Variants in FAH observed in about 807,000 individuals in gnomAD.
The protein encoded by FAH is fumarylacetoacetate hydrolase, also known as fumarylacetoacetase.
Under a neutral mutation model 55.8 loss-of-function variants are expected in FAH, and 47 were observed. The ratio of observed to expected loss-of-function variants is 0.84; its 90% CI spans 0.67 to 1.07. The LOEUF (loss-of-function observed/expected upper bound fraction) is 1.07. Ranked by LOEUF, FAH falls within the 50% of genes least tolerant of loss-of-function variation. FAH has a pLI of 0.00. For missense variants in FAH, 495 were observed against 545.9 expected, an observed-to-expected ratio of 0.91 and a Z score of 0.93; for synonymous variants, 199 against 207.7, an observed-to-expected ratio of 0.96 and a Z score of 0.36.
At chr15:80,178,391 T>C (rs553491178) in intron 11 of FAH, among the ~76,000 whole-genome samples, 1 of 152,246 alleles carries the variant, frequency 6.6e-6, no homozygotes, top group South Asian at 2.1e-4. Context: ...TGACCTCTGC[T>C]ACCATGTATT....
chr15:80,158,049 C>T lies in FAH; in HGVS notation c.82-11C>T, dbSNP rs1249878337. 6.2e-7 allele frequency: 1 copy of T among 1,608,220 alleles called. No individual in the cohort carries two copies. The highest frequency in any genetic ancestry group is 8.5e-7 in the Non-Finnish European group (1 of 1,174,716). On this transcript the variant is annotated splice_polypyrimidine_tract_variant and intron_variant, in intron 1 of 13. Transcript: ENST00000561421. ...CTTTTTCTGGTGCTGACGGTGTCGT[C>T]TTCCTCCTAGCCAAGACCGAGGATA...
chr15:80,170,855 G>A (rs2041234733), intron 7 of FAH, among the ~76,000 whole-genome samples: 1 of 152,156 alleles, frequency 6.6e-6, no homozygotes, highest in African/African-American at 2.4e-5. Context: ...TCATGGCTGA[G>A]TCTATGTTTT....
intron 1 of FAH, 37 bp from the exon 2 acceptor site, chr15:80,158,023 G>T (rs778873440): frequency 1.3e-6 from 2 of 1,512,720 alleles, no homozygotes; most frequent in South Asian, 2.2e-5. Context: ...CCAGCCAGGG[G>T]CTTTTTCTGG....
Position 80,158,088 on chromosome 15 carries a change from G to A in FAH, c.110G>A (p.Gly37Asp), listed in dbSNP as rs767839292. Residue 37 changes from glycine to aspartate, a missense_variant, in exon 2 of 14, where the codon GGC (glycine) becomes GAC (aspartate). By Grantham distance (94) the Gly-to-Asp change is moderately conservative. Transcript: ENST00000561421. ...AGACCGAGGATAGGTGTGGCCATTGGCGACCAGATCCTGGACCTCAGCATC... is the reference window on the plus strand; with the variant it reads ...AGACCGAGGATAGGTGTGGCCATTGACGACCAGATCCTGGACCTCAGCATC... ...DPRPRIGVAI[G>D]DQILDLSIIK... is the part of the protein sequence containing the mutation. The A allele has an allele frequency of 1.2e-6, 2 of 1,614,106 alleles. No individual in the cohort carries two copies. Among genetic ancestry groups the A allele is most frequent in the Non-Finnish European group, 1.7e-6 (2 of 1,180,004 alleles).
intron 1 of FAH, chr15:80,156,454 A>G (rs2041101759): frequency 6.6e-6 from 1 of 152,282 alleles, no homozygotes; most frequent in Non-Finnish European, 1.5e-5. Flanking sequence ...CACCTGGGTA[A>G]TCCTTCGCCC....
intron 2 of FAH, among the ~76,000 whole-genome samples, chr15:80,158,539 A>G (rs546912216): frequency 1.3e-3 from 194 of 152,322 alleles, no homozygotes; most frequent in African/African-American, 4.6e-3. Context: ...GGAGGGAGCT[A>G]CGAGCCCAGC....
At chr15:80,176,316 A>G (rs2041283837) in intron 10 of FAH, among the ~76,000 whole-genome samples, 1 of 152,186 alleles carries the variant, frequency 6.6e-6, no homozygotes, top group African/African-American at 2.4e-5. Flanking sequence ...ATGCCCGGCC[A>G]GCTCCATTTC....
intron 1 of FAH, 137 bp from the exon 2 acceptor site, chr15:80,157,923 G>A: frequency 1.4e-6 from 1 of 720,582 alleles, no homozygotes; most frequent in Non-Finnish European, 2.6e-6. Flanking sequence ...CTGAGAACAT[G>A]GTTCTTCAGT....
At chr15:80,173,618 T>C (rs771862191) in intron 9 of FAH, 2 of 283,986 alleles carry the variant, frequency 7.0e-6, no homozygotes, top group Non-Finnish European at 1.4e-5. Flanking sequence ...CCTTGACCCC[T>C]GGTTCCAGTC....
chr15:80,156,263 C>G (rs1461688332), intron 1 of FAH: 2 of 171,630 alleles, frequency 1.2e-5, no homozygotes, highest in African/African-American at 2.4e-5. Flanking sequence ...GTACCTGACC[C>G]TATACCCACC....
At chr15:80,181,616 G>T (rs1222206666) in intron 13 of FAH, among the ~76,000 whole-genome samples, 1 of 152,080 alleles carries the variant, frequency 6.6e-6, no homozygotes, top group East Asian at 1.9e-4. Context: ...GAGGGAAAGG[G>T]CACCATAATG....
intron 2 of FAH, among the ~76,000 whole-genome samples, chr15:80,159,511 G>A (rs1005970149): frequency 5.4e-4 from 82 of 152,330 alleles, no homozygotes; most frequent in African/African-American, 1.9e-3. Flanking sequence ...GCTGTGCCAG[G>A]TAGCAACTCC....
intron 13 of FAH, 108 bp from the exon 14 acceptor site, chr15:80,186,022 C>A: frequency 1.2e-6 from 1 of 850,666 alleles, no homozygotes. Flanking sequence ...CTGATGGCAC[C>A]TTCCTGCCTC....
In FAH at chr15:80,186,344, G is replaced by A; in HGVS notation, c.*135G>A. The A allele has an allele frequency of 5.4e-6, 4 of 741,754 alleles. No homozygotes were observed. Among genetic ancestry groups the A allele is most frequent in the Non-Finnish European group, 2.4e-6 (1 of 411,876 alleles). The allele number at this position is 741,754 out of a possible 1,614,324, so 45.9% of individuals were successfully genotyped here. A position where few individuals can be genotyped will look rare whatever the true frequency, so the allele number is the denominator to read the frequency against. On this transcript the variant is annotated 3_prime_UTR_variant, in exon 14 of 14. Coordinates refer to ENST00000561421, the MANE Select transcript of FAH (RefSeq NM_000137.4). ...GCCATTGTGCTCTGAGGCCTGCACT[G>A]CCGCAGATGCAGCTGTGTCCACTTA...
chr15:80,162,573 T>G (rs1279511460), intron 5 of FAH: 1 of 576,444 alleles, frequency 1.7e-6, no homozygotes, highest in African/African-American at 1.9e-5. Context: ...CAGCAGGGGT[T>G]GGAATTAGAT....
chr15:80,168,797 G>A (rs1472088927), intron 7 of FAH, among the ~76,000 whole-genome samples: 1 of 152,192 alleles, frequency 6.6e-6, no homozygotes, highest in Non-Finnish European at 1.5e-5. Flanking sequence ...GTGCCGTCTA[G>A]TGTCCCTAGC....
chr15:80,157,794 G>T (rs2041111420), intron 1 of FAH: 2 of 517,422 alleles, frequency 3.9e-6, no homozygotes, highest in Non-Finnish European at 7.0e-6. Flanking sequence ...CTAGGACCAG[G>T]CTGACTGCTC....
chr15:80,173,100 C>CTCT lies in FAH; in HGVS notation c.793_794insTCT (p.Pro265delinsLeuSer). On this transcript the variant is annotated protein_altering_variant, in exon 9 of 14. Transcript: ENST00000561421. ...GACCACTGTCTCTCCGTGGGTGGTG[C>CTCT]CCATGGATGCTCTCATGCCCTTTGC... is the stretch of plus-strand genomic sequence containing the variant. 1.9e-6 allele frequency: 3 copies of CTCT among 1,614,218 alleles called. No homozygotes were observed. Among genetic ancestry groups the CTCT allele is most frequent in the Non-Finnish European group, 2.5e-6 (3 of 1,180,028 alleles).
At chr15:80,155,952 A>C (rs2041095427) in intron 1 of FAH, 1 of 477,834 alleles carries the variant, frequency 2.1e-6, no homozygotes, top group South Asian at 1.5e-5. Flanking sequence ...GTACAGGAGG[A>C]ACATGAAAGT....
Sources: gnomAD v4.1 joint callset for allele counts (sites outside exome capture counted in the v4.1 genomes callset) on GRCh38, gnomAD v4.1.1 for gene constraint, MANE v1.5 for transcripts, NCBI Gene and HGNC (gene_info 2026-07-23, HGNC 2026-07-21) for gene names.